Variants in PSD3 observed in about 807,000 individuals in gnomAD.
The protein encoded by PSD3 is PH and SEC7 domain-containing protein 3.
A neutral mutation model predicts 105.5 loss-of-function variants in PSD3; 49 were observed. That is an observed-to-expected ratio of 0.46 (90% CI 0.37 to 0.59). PSD3 has a LOEUF of 0.59. Ranked by LOEUF, PSD3 falls within the 20% of genes least tolerant of loss-of-function variation. The probability of loss-of-function intolerance (pLI) is 0.00; values close to 1 mark genes in which losing one functional copy is unlikely to be tolerated. For missense variants in PSD3, 1,561 were observed against 1,263.8 expected (o/e 1.24, Z -3.57); for synonymous variants, 557 against 457.8 (o/e 1.22, Z -2.77).
chr8:18,804,393 A>G, intron 6 of PSD3, 129 bp downstream of exon 6: 1 of 776,754 alleles, frequency 1.3e-6, no homozygotes, highest in Non-Finnish European at 2.0e-6. Context: ...CATTTTGGAG[A>G]AGGAATACTC....
intron 4 of PSD3, among the ~76,000 whole-genome samples, chr8:18,827,522 G>T (rs1197095516): frequency 6.6e-6 from 1 of 152,168 alleles, no homozygotes; most frequent in Non-Finnish European, 1.5e-5. Context: ...GCGGTAACTA[G>T]GTGGTATTAT....
At chr8:18,791,832 C>T (rs1229610476) in intron 8 of PSD3, among the ~76,000 whole-genome samples, 1 of 152,054 alleles carries the variant, frequency 6.6e-6, no homozygotes, top group Non-Finnish European at 1.5e-5. Flanking sequence ...ATCCATCTGA[C>T]AATGGTCTAA....
intron 8 of PSD3, among the ~76,000 whole-genome samples, chr8:18,797,996 T>C (rs78263509): frequency 0.021 from 3,234 of 152,206 alleles, 160 homozygotes; most frequent in East Asian, 0.14. Context: ...GCAACTGTTA[T>C]CACCAAACAG....
intron 2 of PSD3, among the ~76,000 whole-genome samples, chr8:18,883,132 A>G (rs1270021323): frequency 1.3e-5 from 2 of 152,166 alleles, no homozygotes; most frequent in African/African-American, 4.8e-5. Flanking sequence ...GTTTCTAACG[A>G]GAATCCCAGA....
chr8:18,671,807 A>G (rs1407579396), intron 9 of PSD3, among the ~76,000 whole-genome samples: 1 of 151,834 alleles, frequency 6.6e-6, no homozygotes, highest in Non-Finnish European at 1.5e-5. Context: ...AATTTTTTGT[A>G]TTTTTAGTAG....
At chr8:18,757,789 T>C (rs1806181438) in intron 9 of PSD3, among the ~76,000 whole-genome samples, 1 of 152,220 alleles carries the variant, frequency 6.6e-6, no homozygotes, top group Admixed American at 6.5e-5. Flanking sequence ...CAGTTTTCAA[T>C]TCTTCAAAAC....
chr8:18,538,384 A>C (rs1156369108), intron 15 of PSD3, among the ~76,000 whole-genome samples: 2 of 152,244 alleles, frequency 1.3e-5, no homozygotes, highest in African/African-American at 4.8e-5. Context: ...ATGCACTATG[A>C]AATCAGAGGA....
intron 10 of PSD3, among the ~76,000 whole-genome samples, chr8:18,642,803 G>A (rs1807746301): frequency 6.6e-6 from 1 of 152,158 alleles, no homozygotes; most frequent in Non-Finnish European, 1.5e-5. Flanking sequence ...ATTATCAAGA[G>A]AAATGCCACT....
At chr8:18,669,243 T>A (rs570503846) in intron 9 of PSD3, among the ~76,000 whole-genome samples, 2 of 152,336 alleles carry the variant, frequency 1.3e-5, no homozygotes, top group South Asian at 4.1e-4. Flanking sequence ...CTTTTTCTGA[T>A]ACAGTAGTCT....
intron 8 of PSD3, among the ~76,000 whole-genome samples, chr8:18,789,849 T>A (rs1016901187): frequency 6.6e-6 from 1 of 152,224 alleles, no homozygotes; most frequent in South Asian, 2.1e-4. Flanking sequence ...AGAGCGAAAC[T>A]GACTTAGAAT....
chr8:18,906,864 A>G (rs1819883590), intron 2 of PSD3, among the ~76,000 whole-genome samples: 1 of 152,162 alleles, frequency 6.6e-6, no homozygotes, highest in South Asian at 2.1e-4. Context: ...TGGAGGCAAA[A>G]CACTCCCATT....
At chr8:18,619,664 A>C (rs112860324) in intron 11 of PSD3, among the ~76,000 whole-genome samples, 388 of 152,196 alleles carry the variant, frequency 2.5e-3, no homozygotes, top group Non-Finnish European at 4.0e-3. Context: ...AAAAGACCTA[A>C]GGCCGTGTGG....
intron 4 of PSD3, among the ~76,000 whole-genome samples, chr8:18,816,761 C>T (rs755779081): frequency 9.2e-5 from 14 of 152,280 alleles, no homozygotes; most frequent in African/African-American, 3.4e-4. Flanking sequence ...AATATCTGAA[C>T]ATGTTACGAC....
In PSD3 at chr8:18,750,980, C is replaced by A. The variant is rs1382677701; in HGVS notation, c.2172+14469G>T. Among the ~76,000 whole-genome samples the A allele has an allele frequency of 4.6e-5, 7 of 152,192 alleles. 1 individual carries two copies. The highest frequency in any genetic ancestry group is 4.6e-4 in the Admixed American group (7 of 15,282). On this transcript the variant is annotated intron_variant, in intron 9 of 15. Coordinates refer to ENST00000327040, the MANE Select transcript of PSD3 (RefSeq NM_015310.4). Reference sequence around the variant, plus strand: ...AGACTCAGGAGACCAGCTGGCTTCACCCAGTGGATCCCGCACCGGGGCTGC... The same window carrying A: ...AGACTCAGGAGACCAGCTGGCTTCAACCAGTGGATCCCGCACCGGGGCTGC...
intron 4 of PSD3, among the ~76,000 whole-genome samples, chr8:18,860,089 G>C (rs1330063206): frequency 6.6e-6 from 1 of 152,112 alleles, no homozygotes; most frequent in African/African-American, 2.4e-5. Flanking sequence ...TGAACATTTA[G>C]AGGCATTGCA....
At chr8:18,605,278 C>A (rs557126591) in intron 11 of PSD3, among the ~76,000 whole-genome samples, 2 of 152,106 alleles carry the variant, frequency 1.3e-5, no homozygotes, top group East Asian at 3.9e-4. Flanking sequence ...ACCAGTGTGC[C>A]CTGGATGTTA....
chr8:18,790,739 A>C (rs1481806824), intron 8 of PSD3, among the ~76,000 whole-genome samples: 2 of 152,098 alleles, frequency 1.3e-5, no homozygotes, highest in Non-Finnish European at 2.9e-5. Context: ...CAACTGTGAG[A>C]TCTAGCCCTG....
At chr8:19,023,997 A>G (rs1827454448) in intron 1 of PSD3, among the ~76,000 whole-genome samples, 1 of 152,220 alleles carries the variant, frequency 6.6e-6, no homozygotes, top group African/African-American at 2.4e-5. Flanking sequence ...ACATAGCTGC[A>G]GCTGCTTTTC....
intron 10 of PSD3, among the ~76,000 whole-genome samples, chr8:18,635,531 TA>T (rs1329285957): frequency 1.3e-5 from 2 of 151,366 alleles, no homozygotes; most frequent in Non-Finnish European, 2.9e-5. Flanking sequence ...TTCTATTTAT[TA>T]AAAAAAAAGT....
Sources: allele counts gnomAD v4.1 joint callset (sites outside exome capture counted in the v4.1 genomes callset), GRCh38; gene constraint gnomAD v4.1.1; transcripts MANE v1.5; gene names NCBI Gene and HGNC (gene_info 2026-07-23, HGNC 2026-07-21).